Variants in CDK15 observed in about 807,000 individuals in gnomAD.
CDK15 encodes cyclin dependent kinase 15.
In CDK15, 62 loss-of-function variants were observed where a neutral mutation model predicts 60.3. The observed-to-expected ratio is 1.03, with a 90% CI of 0.84 to 1.27. The LOEUF is 1.27. CDK15 is among the 50% of genes most tolerant of loss of function. The pLI is 0.00. For missense variants in CDK15, 541 were observed against 527.8 expected (o/e 1.03, Z -0.25); for synonymous variants, 194 against 195.7 (o/e 0.99, Z 0.07).
At chr2:201,861,632 C>A in intron 10 of CDK15, 2 of 665,230 alleles carry the variant, frequency 3.0e-6, no homozygotes, top group Non-Finnish European at 3.7e-6. Context: ...ATGATCTCGG[C>A]TCACCGCAGC....
intron 6 of CDK15, among the ~76,000 whole-genome samples, chr2:201,826,713 A>G (rs2105722341): frequency 6.6e-6 from 1 of 152,354 alleles, no homozygotes; most frequent in Admixed American, 6.5e-5. Flanking sequence ...CTGCATTTTA[A>G]AAAATGAAAT....
intron 12 of CDK15, among the ~76,000 whole-genome samples, chr2:201,888,140 C>A (rs186556154): frequency 7.9e-5 from 12 of 151,724 alleles, no homozygotes; most frequent in African/African-American, 2.7e-4. Flanking sequence ...CCCCTCAATC[C>A]CATTAAGTCA....
rs146270565 is a variant in CDK15 at position 201,810,959 on chromosome 2, C to T, written c.369-1524C>T. Among the ~76,000 whole-genome samples, 30 of 150,820 alleles carry T rather than the reference C, an allele frequency of 2.0e-4. No individual in the cohort carries two copies. The East Asian group carries it at 5.5e-3, about 27-fold the overall frequency. Reference sequence around the variant, plus strand: ...TCCCGGGTTCAAGCGATTCTCCTCTCAGCCTCCTGAGTAGCTGGGATCACA... The same window carrying T: ...TCCCGGGTTCAAGCGATTCTCCTCTTAGCCTCCTGAGTAGCTGGGATCACA... On this transcript the variant is annotated intron_variant, in intron 3 of 13. Transcript: ENST00000652192.
intron 10 of CDK15, among the ~76,000 whole-genome samples, chr2:201,869,246 GGAAACCATCATTC>G (rs1403816685): frequency 2.0e-5 from 3 of 152,104 alleles, no homozygotes; most frequent in Admixed American, 6.6e-5. Context: ...GGATGCAGCT[GGAAACCATCATTC>G]TGAGCAAACT....
At position 201,880,049 on chromosome 2, in the gene CDK15, T is replaced by C; in HGVS notation, c.1080T>C (p.Ala360=). 1 of 1,614,158 alleles carries C rather than the reference T, an allele frequency of 6.2e-7. No homozygotes were observed. ...CCAGGCTGGGCAGGGTTCCTGAAGC[T>C]GAAGACCTGGCCTCCCAGATGCTAA... ...VWNRLGRVPE[A]EDLASQMLKG... The change falls in exon 12 of 14, where the codon GCT becomes GCC. Residue 360 remains alanine (A), a synonymous_variant. Transcript: ENST00000652192.
chr2:201,887,848 A>G (rs1411146979), intron 12 of CDK15, among the ~76,000 whole-genome samples: 1 of 152,182 alleles, frequency 6.6e-6, no homozygotes, highest in Non-Finnish European at 1.5e-5. Flanking sequence ...GGCTTTGAAG[A>G]TATGAATTCT....
Position 201,833,906 on chromosome 2 carries a change from A to C in CDK15, c.665A>C (p.His222Pro). The change falls in exon 7 of 14, where the codon CAC (histidine) becomes CCC (proline). Residue 222 changes from histidine to proline, a missense_variant. Physicochemically the swap from His to Pro is moderately conservative, Grantham distance 77. Transcript: ENST00000652192. ...TACATCCACCACCAACACGTTCTTC[A>C]CAGGGACCTGAAACCTCAGAACTTA... ...LAYIHHQHVLHRDLKPQNLLI... is the reference protein window; with the variant it reads ...LAYIHHQHVLPRDLKPQNLLI... The C allele has an allele frequency of 6.2e-7, 1 of 1,613,954 alleles. No homozygotes were observed. Among genetic ancestry groups the C allele is most frequent in the South Asian group, 1.1e-5 (1 of 91,060 alleles).
intron 4 of CDK15, among the ~76,000 whole-genome samples, chr2:201,818,575 G>A (rs1407842023): frequency 6.6e-6 from 1 of 152,194 alleles, no homozygotes; most frequent in African/African-American, 2.4e-5. Context: ...CACATCTGAG[G>A]CTGTAGGCAT....
chr2:201,807,800 A>G (rs1266309067), intron 2 of CDK15, 58 bp from the exon 3 acceptor site: 14 of 1,562,832 alleles, frequency 9.0e-6, no homozygotes, highest in Non-Finnish European at 1.2e-5. Context: ...ACACTAAAAA[A>G]AAGTGTTCTT....
chr2:201,872,348 G>C, intron 11 of CDK15, 22 bp downstream of exon 11: 2 of 1,359,700 alleles, frequency 1.5e-6, no homozygotes, highest in Non-Finnish European at 2.0e-6. Flanking sequence ...CTCAGGAAGG[G>C]ATCTTTAAGG....
chr2:201,880,157 G>A lies in CDK15; in HGVS notation c.1188G>A (p.Gln396=), dbSNP rs766212330. 6.2e-7 allele frequency: 1 copy of A among 1,613,988 alleles called. No homozygotes were observed. The highest frequency in any genetic ancestry group is 1.7e-5 in the Admixed American group (1 of 60,010). Residue 396 remains glutamine, a synonymous_variant, in exon 12 of 14, where the codon CAG becomes CAA. Transcript: ENST00000652192. ...GCGCCCTGCCATCTCAGCTGTACCA[G>A]CTTCCTGATGGTGAGCGAGGGAGTG... ...YFSALPSQLY[Q]LPDEESLFTV...
At chr2:201,861,297 G>C (rs926325795) in intron 10 of CDK15, 3 of 992,560 alleles carry the variant, frequency 3.0e-6, no homozygotes, top group Non-Finnish European at 2.4e-6. Flanking sequence ...GATCGATGCT[G>C]GGTGGAGTAG....
At chr2:201,892,564 G>T (rs978080022) in intron 13 of CDK15, among the ~76,000 whole-genome samples, 13 of 152,254 alleles carry the variant, frequency 8.5e-5, no homozygotes, top group Non-Finnish European at 2.9e-5. Context: ...AGCAATTGAA[G>T]AAGGGAGAAG....
intron 10 of CDK15, among the ~76,000 whole-genome samples, chr2:201,865,896 A>C (rs1698610678): frequency 2.0e-5 from 3 of 146,374 alleles, no homozygotes; most frequent in Non-Finnish European, 4.5e-5. Context: ...TCTCAACAAA[A>C]AAAAAAAAAA....
intron 8 of CDK15, among the ~76,000 whole-genome samples, chr2:201,842,816 C>T (rs75971775): frequency 0.025 from 3,845 of 152,268 alleles, 155 homozygotes; most frequent in African/African-American, 0.088. Flanking sequence ...GCACATCTCT[C>T]CCTTCTGGAA....
In CDK15 at chr2:201,890,808, G is replaced by C. The variant is rs1251202502; in HGVS notation, c.1222G>C (p.Gly408Arg). The change falls in exon 13 of 14, where the codon GGA becomes CGA. Residue 408 changes from glycine to arginine, a missense_variant. Gly to Arg is a moderately radical substitution (Grantham distance 125). Transcript: ENST00000652192. ...AGAGGAGTCTTTGTTTACAGTTTCA[G>C]GAGTGAGGCTAAAGCCAGAAATGTG... The part of the protein sequence containing the change: ...PDEESLFTVS[G>R]VRLKPEMCDL... The C allele has an allele frequency of 6.2e-7, 1 of 1,613,112 alleles. No homozygotes were observed. The highest frequency in any genetic ancestry group is 1.3e-5 in the African/African-American group (1 of 74,918).
At chr2:201,836,640 T>A (rs1348366471) in intron 8 of CDK15, among the ~76,000 whole-genome samples, 2 of 151,252 alleles carry the variant, frequency 1.3e-5, no homozygotes, top group Non-Finnish European at 2.9e-5. Flanking sequence ...CTCTCTTTAA[T>A]CCTTTGCCTT....
At chr2:201,818,293 C>A (rs1696077183) in intron 4 of CDK15, among the ~76,000 whole-genome samples, 2 of 152,182 alleles carry the variant, frequency 1.3e-5, no homozygotes, top group South Asian at 4.1e-4. Context: ...AATCAGCTTT[C>A]CTCTGGAGCC....
intron 11 of CDK15, among the ~76,000 whole-genome samples, chr2:201,875,107 G>A (rs1699026276): frequency 6.6e-6 from 1 of 152,156 alleles, no homozygotes; most frequent in Non-Finnish European, 1.5e-5. Context: ...GTTTTACGCA[G>A]TCACAAAACT....
Sources: gnomAD v4.1 joint callset for allele counts (sites outside exome capture counted in the v4.1 genomes callset) on GRCh38, gnomAD v4.1.1 for gene constraint, MANE v1.5 for transcripts, NCBI Gene and HGNC (gene_info 2026-07-23, HGNC 2026-07-21) for gene names.